The following LRSAM1 variants were observed in gnomAD, a reference collection of about 807,000 sequenced individuals.
LRSAM1 encodes leucine rich repeat and sterile alpha motif containing 1, also known as E3 ubiquitin-protein ligase LRSAM1.
LRSAM1 carries 96 observed loss-of-function variants against 118.1 expected under a neutral mutation model. That is an observed-to-expected ratio of 0.81 (90% CI 0.69 to 0.96). The LOEUF (loss-of-function observed/expected upper bound fraction) is 0.96. Among genes scored for constraint, LRSAM1 ranks in the 40% least tolerant of loss-of-function variants. The pLI, the probability that LRSAM1 is intolerant of heterozygous loss-of-function variation, is 0.00. For synonymous variants in LRSAM1, 322 were observed against 364.2 expected, an observed-to-expected ratio of 0.88 and a Z score of 1.32; for missense variants, 804 against 915.5, an observed-to-expected ratio of 0.88 and a Z score of 1.57.
intron 17 of LRSAM1, chr9:127,486,568 C>T (rs1306613990): frequency 6.5e-6 from 1 of 153,024 alleles, no homozygotes; most frequent in Non-Finnish European, 1.5e-5. Flanking sequence ...TCCCCTGGGT[C>T]CCTGCAGATG....
chr9:127,484,476 C>T (rs1159166936), intron 16 of LRSAM1, among the ~76,000 whole-genome samples: 1 of 152,020 alleles, frequency 6.6e-6, no homozygotes, highest in East Asian at 1.9e-4. Flanking sequence ...AGTCCTCCCA[C>T]TACAGCCTCC....
chr9:127,495,023 C>T (rs1179604385), intron 21 of LRSAM1, among the ~76,000 whole-genome samples: 2 of 152,242 alleles, frequency 1.3e-5, no homozygotes, highest in African/African-American at 2.4e-5. Context: ...GCGATCTCAG[C>T]TCACTGCAAC....
rs185832786 is a variant in LRSAM1, at chr9:127,462,160, C to G, written c.407-92C>G. 1.6e-4 allele frequency: 251 copies of G among 1,581,374 alleles called. No homozygotes were observed. The African/African-American group carries it at 3.2e-3, about 20-fold the overall frequency. On this transcript the variant is annotated intron_variant, in intron 8 of 25. Coordinates refer to ENST00000300417, the MANE Select transcript of LRSAM1 (RefSeq NM_001005373.4). ...TCAGAGCCCAGGATCTGTTGTGTGC[C>G]CTAGAGGTCAGAGTGGCTCCCAGCG...
intron 18 of LRSAM1, among the ~76,000 whole-genome samples, chr9:127,488,299 TTGCCCAGTTTGGAGTGCAGTGG>T (rs1835806349): frequency 6.6e-6 from 1 of 152,204 alleles, no homozygotes; most frequent in Admixed American, 6.5e-5. Flanking sequence ...TTCCCTCTTG[TTGCCCAGTTTGGAGTGCAGTGG>T]TGCGATCTCG....
intron 5 of LRSAM1, 67 bp from the exon 6 acceptor site, chr9:127,457,249 A>G: frequency 6.3e-7 from 1 of 1,585,444 alleles, no homozygotes; most frequent in South Asian, 1.1e-5. Context: ...GCTGGCTCCC[A>G]CGCCCTTAGC....
chr9:127,455,959 G>A (rs969536876), intron 5 of LRSAM1, among the ~76,000 whole-genome samples: 1 of 152,140 alleles, frequency 6.6e-6, no homozygotes, highest in Non-Finnish European at 1.5e-5. Context: ...GCTAGATAGA[G>A]ATAGAAATAT....
At position 127,478,675 on chromosome 9, in the gene LRSAM1, G is replaced by C. The variant is rs1376147936; in HGVS notation, c.751-259G>C. The stretch of plus-strand genomic sequence containing the variant: ...CATCCCTGCTCAGGGCTGCATCCCA[G>C]AACTGTCTTGAAGAGCCCCTCCTAC... On this transcript the variant is annotated intron_variant, in intron 11 of 25. Coordinates refer to ENST00000300417, the MANE Select transcript of LRSAM1 (RefSeq NM_001005373.4). 5.3e-5 allele frequency among the ~76,000 whole-genome samples: 8 copies of C among 152,290 alleles called. No homozygotes were observed. The East Asian group carries it at 1.5e-3, about 29-fold the overall frequency.
At chr9:127,467,647 G>A (rs1745573664) in intron 9 of LRSAM1, 93 bp from the exon 10 acceptor site, 1 of 1,209,850 alleles carries the variant, frequency 8.3e-7, no homozygotes, top group African/African-American at 1.5e-5. Context: ...GCTGGGTAGA[G>A]GTGACAGAGA....
intron 24 of LRSAM1, among the ~76,000 whole-genome samples, chr9:127,500,374 A>AAAAAAAAAAAAAG (rs1306368505): frequency 6.6e-6 from 1 of 150,636 alleles, no homozygotes; most frequent in East Asian, 2.0e-4. Flanking sequence ...AAAAAAAAAA[A>AAAAAAAAAAAAAG]AGAGACTTAG....
Position 127,457,374 on chromosome 9 carries a change from T to C in LRSAM1, c.233T>C (p.Leu78Pro). 2 of 1,614,218 alleles carry C rather than the reference T, an allele frequency of 1.2e-6. No individual in the cohort carries two copies. Among genetic ancestry groups the C allele is most frequent in the South Asian group, 1.1e-5 (1 of 91,086 alleles). ...TSLLPKSCSL[L>P]SLATIKVLDL... ...CTGCTTCCCAAATCCTGCAGCCTCC[T>C]GAGTCTGGCAACCATCAAGGTACTG... The change falls in exon 6 of 26, where the codon CTG becomes CCG. Residue 78 changes from leucine to proline, a missense_variant. Transcript: ENST00000300417.
chr9:127,499,583 G>A (rs1263543885), intron 24 of LRSAM1, among the ~76,000 whole-genome samples: 1 of 151,794 alleles, frequency 6.6e-6, no homozygotes, highest in African/African-American at 2.4e-5. Flanking sequence ...ATGGTGGTTT[G>A]GGGGGAAGCA....
At chr9:127,454,691 C>T in intron 3 of LRSAM1, 92 bp downstream of exon 3, 1 of 1,309,824 alleles carries the variant, frequency 7.6e-7, no homozygotes. Flanking sequence ...AAGCCGTGCT[C>T]CTTCCCATCT....
chr9:127,475,669 C>T (rs1361560887), intron 11 of LRSAM1, among the ~76,000 whole-genome samples: 1 of 152,094 alleles, frequency 6.6e-6, no homozygotes, highest in Non-Finnish European at 1.5e-5. Flanking sequence ...TCATAAACTG[C>T]TCTTGGGAGT....
intron 22 of LRSAM1, 113 bp downstream of exon 22, chr9:127,495,531 C>T (rs1287042150): frequency 1.1e-6 from 1 of 875,728 alleles, no homozygotes; most frequent in Non-Finnish European, 1.9e-6. Flanking sequence ...GTGACTCTAG[C>T]ATGCCAGATC....
chr9:127,490,700 A>T (rs925263583), intron 19 of LRSAM1, among the ~76,000 whole-genome samples: 1 of 152,206 alleles, frequency 6.6e-6, no homozygotes, highest in African/African-American at 2.4e-5. Context: ...AATTGATGAA[A>T]TATGATACAT....
intron 3 of LRSAM1, 128 bp from the exon 4 acceptor site, chr9:127,454,870 T>C (rs776291709): frequency 3.1e-6 from 3 of 974,292 alleles, no homozygotes; most frequent in Non-Finnish European, 1.6e-6. Context: ...ACCTGCCAAA[T>C]GGACCAGTGG....
intron 20 of LRSAM1, among the ~76,000 whole-genome samples, chr9:127,491,604 C>T (rs1315402514): frequency 1.3e-5 from 2 of 152,250 alleles, no homozygotes; most frequent in African/African-American, 4.8e-5. Flanking sequence ...GCGGGCCCGC[C>T]GCTGAGCTCC....
At chr9:127,464,357 C>T (rs1834854628) in intron 9 of LRSAM1, among the ~76,000 whole-genome samples, 1 of 129,118 alleles carries the variant, frequency 7.7e-6, no homozygotes, top group African/African-American at 3.1e-5. Context: ...CTAATGAGCA[C>T]CTGGTGACCG....
intron 16 of LRSAM1, among the ~76,000 whole-genome samples, chr9:127,483,788 G>T (rs953825998): frequency 6.6e-6 from 1 of 151,946 alleles, no homozygotes; most frequent in Non-Finnish European, 1.5e-5. Context: ...CTCAGCCTCC[G>T]AGTAGCTAGG....
Sources: gnomAD v4.1 joint callset for allele counts (sites outside exome capture counted in the v4.1 genomes callset) on GRCh38, gnomAD v4.1.1 for gene constraint, MANE v1.5 for transcripts, NCBI Gene and HGNC (gene_info 2026-07-23, HGNC 2026-07-21) for gene names.